THSD4: variants seen among roughly 807,000 people sequenced by gnomAD.
THSD4 encodes the protein thrombospondin type-1 domain-containing protein 4.
A neutral mutation model predicts 119.0 loss-of-function variants in THSD4; 69 were observed. The observed-to-expected ratio is 0.58, with a 90% CI of 0.48 to 0.71. The LOEUF is 0.71. Among genes scored for constraint, THSD4 ranks in the 30% least tolerant of loss-of-function variants. The pLI is 0.00. For synonymous variants in THSD4, 524 were observed against 540.4 expected, an observed-to-expected ratio of 0.97 and a Z score of 0.42; for missense variants, 1,393 against 1,391.1, an observed-to-expected ratio of 1.00 and a Z score of -0.02.
chr15:71,366,052 G>A (rs536162082), intron 6 of THSD4, among the ~76,000 whole-genome samples: 1 of 152,060 alleles, frequency 6.6e-6, no homozygotes, highest in South Asian at 2.1e-4. Context: ...TCCTACTTGT[G>A]TCCCAGGTTT....
chr15:71,195,945 A>G (rs961803429), intron 3 of THSD4, among the ~76,000 whole-genome samples: 2 of 152,222 alleles, frequency 1.3e-5, no homozygotes, highest in African/African-American at 4.8e-5. Flanking sequence ...GCATCCACCC[A>G]TTTGTGTTGC....
chr15:71,546,575 A>T (rs1391704291), intron 7 of THSD4, among the ~76,000 whole-genome samples: 1 of 152,074 alleles, frequency 6.6e-6, no homozygotes, highest in African/African-American at 2.4e-5. Flanking sequence ...GACACTTGGG[A>T]TTCACTTGTT....
At position 71,560,665 on chromosome 15, in the gene THSD4, T is replaced by C. The variant is rs149851195; in HGVS notation, c.1153-99865T>C. Among the ~76,000 whole-genome samples the C allele has an allele frequency of 5.4e-3, 822 of 152,316 alleles. 5 individuals carry two copies. Among genetic ancestry groups the C allele is most frequent in the African/African-American group, 0.019 (783 of 41,568 alleles). On this transcript the variant is annotated intron_variant, in intron 7 of 17. Coordinates refer to ENST00000261862, the MANE Select transcript of THSD4 (RefSeq NM_024817.3). ...TAAATATAGTTGTATATAATACGTG[T>C]GCAATTTTCCATGTAATTGTATCAT...
intron 6 of THSD4, among the ~76,000 whole-genome samples, chr15:71,299,102 A>T (rs35986892): frequency 1.3e-5 from 2 of 152,316 alleles, no homozygotes; most frequent in East Asian, 3.9e-4. Context: ...TAGCAGAATG[A>T]CCATTAAAAG....
chr15:71,672,185 T>C (rs62024313), intron 8 of THSD4, among the ~76,000 whole-genome samples: 39,039 of 152,080 alleles, frequency 0.26, 5,892 homozygotes, highest in East Asian at 0.73. Context: ...GTAGTTCTTC[T>C]TGAAGAGGTC....
chr15:71,508,317 ATCT>A (rs1363221429), intron 7 of THSD4, among the ~76,000 whole-genome samples: 1 of 152,232 alleles, frequency 6.6e-6, no homozygotes, highest in African/African-American at 2.4e-5. Context: ...AAGGGAATTC[ATCT>A]TCTCCCTCAT....
chr15:71,629,543 G>A (rs989374345), intron 7 of THSD4, among the ~76,000 whole-genome samples: 35 of 152,082 alleles, frequency 2.3e-4, no homozygotes, highest in African/African-American at 8.2e-4. Context: ...GTCCTCCTCA[G>A]TCACTCTCCA....
rs1437270671 is a variant in THSD4 at position 71,326,690 on chromosome 15, AAAAAAAAAAAATAT to A, written c.1015+69977_1015+69990del. On this transcript the variant is annotated intron_variant, in intron 6 of 17. Coordinates refer to ENST00000261862, the MANE Select transcript of THSD4 (RefSeq NM_024817.3). ...TTCCATCTCAAAAAAAAAAAAAAAA[AAAAAAAAAAAATAT>A]ATATATATATATATATATATATTAG... 8.9e-3 allele frequency among the ~76,000 whole-genome samples: 134 copies of A among 15,022 alleles called. 1 individual carries two copies. The highest frequency in any genetic ancestry group is 0.019 in the African/African-American group (130 of 6,834). The allele number at this position is 15,022 out of a possible 152,430, so 9.9% of individuals were successfully genotyped here. A position where few individuals can be genotyped will look rare whatever the true frequency, so the allele number is the denominator to read the frequency against.
chr15:71,667,201 T>C (rs2051433839), intron 8 of THSD4, among the ~76,000 whole-genome samples: 1 of 152,240 alleles, frequency 6.6e-6, no homozygotes, highest in Non-Finnish European at 1.5e-5. Flanking sequence ...CTGTATCTAT[T>C]GTAAGCTATG....
rs1013824026 is a variant in THSD4 at position 71,779,857 on chromosome 15, T to C, written c.*2483T>C. On this transcript the variant is annotated 3_prime_UTR_variant, in exon 18 of 18. Coordinates refer to ENST00000261862, the MANE Select transcript of THSD4 (RefSeq NM_024817.3). ...TAAACCAGGGGTCTCTTTTTTTTTT[T>C]CAACAAACCATTGAGCTGTTCTTGG... 8 of 151,580 alleles carry C rather than the reference T, an allele frequency of 5.3e-5. No individual in the cohort carries two copies. Among genetic ancestry groups the C allele is most frequent in the African/African-American group, 1.9e-4 (8 of 41,256 alleles). 9.4% of individuals were successfully genotyped at this position (151,580 alleles called of 1,614,324 possible). A position where few individuals can be genotyped will look rare whatever the true frequency, so the allele number is the denominator to read the frequency against.
At chr15:71,475,198 T>C (rs973409549) in intron 7 of THSD4, among the ~76,000 whole-genome samples, 5 of 152,242 alleles carry the variant, frequency 3.3e-5, no homozygotes, top group Admixed American at 6.5e-5. Flanking sequence ...GAATGTGCCA[T>C]CTGTCTCCTC....
chr15:71,232,454 A>G lies in THSD4; in HGVS notation c.465-10195A>G, dbSNP rs56947440. Among the ~76,000 whole-genome samples, 1,209 of 152,138 alleles carry G rather than the reference A, an allele frequency of 7.9e-3. 18 individuals carry two copies. The highest frequency in any genetic ancestry group is 0.028 in the African/African-American group (1,146 of 41,500). ...AGAAACAGGGAGCATAGCCCTGGAG[A>G]ATGAAACTTACTAATACAGTGTTAA... On this transcript the variant is annotated intron_variant, in intron 4 of 17. Coordinates refer to ENST00000261862, the MANE Select transcript of THSD4 (RefSeq NM_024817.3).
rs1226087036 is a variant in THSD4 at position 71,682,924 on chromosome 15, T to C, written c.1357+22190T>C. Reference sequence around the variant, plus strand: ...TCTTTCTTTCTTCTTCTTCTTCTTTTTTTTTTTTTTTTTTTGAGTCGAGGT... The same window carrying C: ...TCTTTCTTTCTTCTTCTTCTTCTTTCTTTTTTTTTTTTTTTGAGTCGAGGT... On this transcript the variant is annotated intron_variant, in intron 8 of 17. Coordinates refer to ENST00000261862, the MANE Select transcript of THSD4 (RefSeq NM_024817.3). Among the ~76,000 whole-genome samples, 5 of 124,848 alleles carry C rather than the reference T, an allele frequency of 4.0e-5. 1 individual carries two copies. Among genetic ancestry groups the C allele is most frequent in the African/African-American group, 9.5e-5 (3 of 31,524 alleles). 81.9% of individuals were successfully genotyped at this position (124,848 alleles called of 152,430 possible). A position where few individuals can be genotyped will look rare whatever the true frequency, so the allele number is the denominator to read the frequency against.
intron 2 of THSD4, among the ~76,000 whole-genome samples, chr15:71,151,007 G>A (rs2040717099): frequency 1.3e-5 from 2 of 152,128 alleles, no homozygotes; most frequent in African/African-American, 4.8e-5. Context: ...CCATTGGATA[G>A]AGAGAGAAAT....
intron 7 of THSD4, among the ~76,000 whole-genome samples, chr15:71,541,893 T>TG (rs533769444): frequency 6.7e-4 from 102 of 152,210 alleles, no homozygotes; most frequent in South Asian, 3.3e-3. Context: ...TGGCTTAAGA[T>TG]GGCTGGAGAA....
chr15:71,772,955 T>G (rs149821968), intron 17 of THSD4, among the ~76,000 whole-genome samples: 1,693 of 152,198 alleles, frequency 0.011, 25 homozygotes, highest in African/African-American at 0.038. Flanking sequence ...ACACCTGTAA[T>G]TCCAGCACTT....
intron 7 of THSD4, among the ~76,000 whole-genome samples, chr15:71,608,027 G>A (rs1242350620): frequency 6.6e-6 from 1 of 152,006 alleles, no homozygotes; most frequent in Non-Finnish European, 1.5e-5. Flanking sequence ...TTCAAGATGA[G>A]CCTGGCCAAC....
intron 7 of THSD4, among the ~76,000 whole-genome samples, chr15:71,500,025 T>A (rs1404604566): frequency 1.3e-5 from 2 of 152,186 alleles, no homozygotes; most frequent in Non-Finnish European, 2.9e-5. Flanking sequence ...GATACTATGA[T>A]AATTCAATTT....
chr15:71,649,761 A>C (rs2051045776), intron 7 of THSD4, among the ~76,000 whole-genome samples: 1 of 152,194 alleles, frequency 6.6e-6, no homozygotes, highest in South Asian at 2.1e-4. Context: ...TCTTTAATCC[A>C]TCTTGAGTTG....
Sources: allele counts gnomAD v4.1 joint callset (sites outside exome capture counted in the v4.1 genomes callset), GRCh38; gene constraint gnomAD v4.1.1; transcripts MANE v1.5; gene names NCBI Gene and HGNC (gene_info 2026-07-23, HGNC 2026-07-21).